The following AGBL1 variants were observed in gnomAD, a reference collection of about 807,000 sequenced individuals.
AGBL1 encodes the protein cytosolic carboxypeptidase 4.
In AGBL1, 130 loss-of-function variants were observed where a neutral mutation model predicts 118.9. The observed-to-expected ratio is 1.09, with a 90% confidence interval of 0.95 to 1.26. The LOEUF is 1.26. Among genes scored for constraint, AGBL1 ranks in the 50% most tolerant of loss-of-function variants. AGBL1 has a pLI of 0.00. For synonymous variants in AGBL1, 555 were observed against 478.9 expected, an observed-to-expected ratio of 1.16 and a Z score of -2.08; for missense variants, 1,584 against 1,298.1, an observed-to-expected ratio of 1.22 and a Z score of -3.38.
intron 20 of AGBL1, among the ~76,000 whole-genome samples, chr15:86,548,051 A>G (rs2083610088): frequency 6.6e-6 from 1 of 152,180 alleles, no homozygotes; most frequent in South Asian, 2.1e-4. Flanking sequence ...GCCTAAAAAG[A>G]CTTTTGTGTA....
intron 22 of AGBL1, among the ~76,000 whole-genome samples, chr15:86,881,694 G>A (rs1021635312): frequency 1.3e-5 from 2 of 152,104 alleles, no homozygotes; most frequent in Admixed American, 1.3e-4. Context: ...GAGTGCAGTG[G>A]GGTGCTCTCA....
chr15:86,365,579 CT>C (rs1407731036), intron 17 of AGBL1, among the ~76,000 whole-genome samples: 1 of 152,140 alleles, frequency 6.6e-6, no homozygotes, highest in Non-Finnish European at 1.5e-5. Context: ...GAAACCTATT[CT>C]TACATTCTCT....
intron 22 of AGBL1, among the ~76,000 whole-genome samples, chr15:86,732,318 T>G (rs1596416629): frequency 6.6e-6 from 1 of 152,250 alleles, no homozygotes; most frequent in East Asian, 1.9e-4. Context: ...TTATTAGTAA[T>G]AGGTTGATCT....
chr15:86,637,043 A>C (rs2085109027), intron 21 of AGBL1, among the ~76,000 whole-genome samples: 1 of 151,928 alleles, frequency 6.6e-6, no homozygotes, highest in Non-Finnish European at 1.5e-5. Flanking sequence ...AGCAGACATA[A>C]AGAACTGTGA....
rs577686712 is a variant in AGBL1, at chr15:86,442,273, C to G, written c.2555+44727C>G. ...AGTGAAGGAGATATTTCCCCCATCT[C>G]TTAATATTCTCAGGGCTACAGTATA... is the stretch of plus-strand genomic sequence containing the variant. On this transcript the variant is annotated intron_variant, in intron 18 of 22. Coordinates refer to ENST00000614907, the MANE Select transcript of AGBL1 (RefSeq NM_001386094.1). Among the ~76,000 whole-genome samples the G allele has an allele frequency of 6.6e-5, 10 of 152,322 alleles. No individual in the cohort carries two copies. In the East Asian group the frequency reaches 1.7e-3, roughly 26 times the overall value.
At chr15:86,426,015 G>A (rs1418065273) in intron 18 of AGBL1, among the ~76,000 whole-genome samples, 1 of 152,074 alleles carries the variant, frequency 6.6e-6, no homozygotes, top group Admixed American at 6.6e-5. Flanking sequence ...CCAACCCCAT[G>A]GGAGAGGTAG....
chr15:86,918,012 G>C (rs148505357), downstream of AGBL1, among the ~76,000 whole-genome samples: 13 of 152,244 alleles, frequency 8.5e-5, no homozygotes, highest in African/African-American at 3.1e-4. Context: ...ATAGATGAAA[G>C]GTTCAGTTGT....
At chr15:86,780,772 T>C (rs553421267) in intron 22 of AGBL1, among the ~76,000 whole-genome samples, 8 of 152,002 alleles carry the variant, frequency 5.3e-5, no homozygotes, top group African/African-American at 1.7e-4. Context: ...CAAGCAATTC[T>C]CCTGCCTCAG....
intron 21 of AGBL1, among the ~76,000 whole-genome samples, chr15:86,592,179 A>G (rs547584412): frequency 3.3e-5 from 5 of 152,278 alleles, no homozygotes; most frequent in Admixed American, 6.5e-5. Flanking sequence ...CTCCCATTGT[A>G]ATGAGTCATT....
At position 86,104,316 on chromosome 15, in the gene AGBL1, C is replaced by T. The variant is rs545737227; in HGVS notation, c.51+24293C>T. Among the ~76,000 whole-genome samples, 21 of 152,260 alleles carry T rather than the reference C, an allele frequency of 1.4e-4. No homozygotes were observed. In the South Asian group the frequency reaches 4.4e-3, roughly 32 times the overall value. On this transcript the variant is annotated intron_variant, in intron 1 of 22. Transcript: ENST00000614907. ...AATGTTTGGGTGAGGACAGCAGTGG[C>T]TGTGTCATGGCCCTGCTGTTGGGTG...
chr15:86,472,238 C>G (rs1374065784), intron 18 of AGBL1, among the ~76,000 whole-genome samples: 3 of 152,174 alleles, frequency 2.0e-5, no homozygotes, highest in Admixed American at 6.5e-5. Context: ...GGAAACTAGT[C>G]CAGATGACTA....
At chr15:86,739,212 G>A (rs1472091655) in intron 22 of AGBL1, among the ~76,000 whole-genome samples, 1 of 151,944 alleles carries the variant, frequency 6.6e-6, no homozygotes, top group African/African-American at 2.4e-5. Context: ...GGGAGGCCAA[G>A]GCAGGCAGAT....
chr15:86,988,035 CT>C lies in AGBL1; in HGVS notation c.3276del (p.Phe1092LeufsTer9). ...CAAAGCATATTTGGTTTGCTTACCA[CT>C]TTTTTGCCATTACAAACTTTTTCAA... On this transcript the variant is annotated frameshift_variant, in exon 24 of 25. Coordinates refer to the AGBL1 transcript ENST00000441037. LOFTEE classifies it high-confidence loss of function. 1 of 1,613,498 alleles carries C rather than the reference CT, an allele frequency of 6.2e-7. No individual in the cohort carries two copies. The highest frequency in any genetic ancestry group is 2.2e-5 in the East Asian group (1 of 44,834).
chr15:86,873,485 G>C lies in AGBL1; in HGVS notation c.3159-33602G>C, dbSNP rs575629636. 3.3e-5 allele frequency among the ~76,000 whole-genome samples: 5 copies of C among 152,254 alleles called. No homozygotes were observed. In the South Asian group the frequency reaches 1.0e-3, roughly 32 times the overall value. On this transcript the variant is annotated intron_variant, in intron 22 of 22. Coordinates refer to ENST00000614907, the MANE Select transcript of AGBL1 (RefSeq NM_001386094.1). ...TCCCTGATACAATCTGAAAGTTTTT[G>C]TCCCCATGAAAGACTTACATATTGA... is the stretch of plus-strand genomic sequence containing the variant.
chr15:86,316,922 A>ACT (rs1174370818), intron 17 of AGBL1: 1 of 152,222 alleles, frequency 6.6e-6, no homozygotes, highest in Non-Finnish European at 1.5e-5. Context: ...CAGTCCTGTG[A>ACT]GAAGCAGTGC....
At chr15:86,904,583 T>C (rs35895318) in intron 22 of AGBL1, among the ~76,000 whole-genome samples, 1 of 148,192 alleles carries the variant, frequency 6.7e-6, no homozygotes, top group Non-Finnish European at 1.5e-5. Context: ...TCATATCATA[T>C]ATAATAAGTA....
chr15:86,916,761 G>A (rs370932053), downstream of AGBL1, among the ~76,000 whole-genome samples: 21 of 152,208 alleles, frequency 1.4e-4, no homozygotes, highest in East Asian at 3.7e-3. Flanking sequence ...CTGTGCTGGC[G>A]GGGCCTGCAG....
intron 24 of AGBL1, among the ~76,000 whole-genome samples, chr15:87,000,465 C>A (rs1423133188): frequency 8.6e-6 from 1 of 115,712 alleles, no homozygotes; most frequent in Admixed American, 9.0e-5. Context: ...GTTTTCCCAG[C>A]ACCATTTATT....
chr15:86,475,679 A>G (rs1272468654), intron 18 of AGBL1, among the ~76,000 whole-genome samples: 3 of 152,356 alleles, frequency 2.0e-5, no homozygotes, highest in East Asian at 1.9e-4. Context: ...AACTTCCCCA[A>G]CCTAGCAAGG....
Sources: gnomAD v4.1 joint callset for allele counts (sites outside exome capture counted in the v4.1 genomes callset) on GRCh38, gnomAD v4.1.1 for gene constraint, MANE v1.5 for transcripts, NCBI Gene and HGNC (gene_info 2026-07-23, HGNC 2026-07-21) for gene names.